INPP5K: variants seen among roughly 807,000 people sequenced by gnomAD.
The protein encoded by INPP5K is inositol polyphosphate 5-phosphatase K.
INPP5K carries 35 observed loss-of-function variants against 53.5 expected under a neutral mutation model. The ratio of observed to expected loss-of-function variants is 0.65; its 90% confidence interval spans 0.50 to 0.87. The LOEUF (loss-of-function observed/expected upper bound fraction) is 0.87, where lower values mean the gene tolerates loss of function less well. INPP5K is among the 40% of genes least tolerant of loss of function. The pLI is 0.00. For synonymous variants in INPP5K, 253 were observed against 232.8 expected (o/e 1.09, Z -0.79); for missense variants, 550 against 586.2 (o/e 0.94, Z 0.64).
At chr17:1,506,047 G>T (rs1278358989) in intron 7 of INPP5K, among the ~76,000 whole-genome samples, 1 of 152,116 alleles carries the variant, frequency 6.6e-6, no homozygotes, top group African/African-American at 2.4e-5. Context: ...TTTTTGAGAC[G>T]GAGTCTCGCT....
Position 1,498,060 on chromosome 17 carries a change from C to T in INPP5K, c.839G>A (p.Cys280Tyr), listed in dbSNP as rs1598361962. ...CGGTATGGGAGTGTCGGGGCCAGCA[C>T]AGGGCTGCCGCTTCAGCCTCCACAG... ...RILWRLKRQP[C>Y]AGPDTPIPPA... Residue 280 changes from cysteine to tyrosine, a missense_variant, in exon 8 of 12, where the codon TGT (cysteine) becomes TAT (tyrosine). Transcript: ENST00000421807. 6.2e-7 allele frequency: 1 copy of T among 1,614,036 alleles called. No individual in the cohort carries two copies. Among genetic ancestry groups the T allele is most frequent in the Non-Finnish European group, 8.5e-7 (1 of 1,179,978 alleles).
chr17:1,501,320 G>GT (rs2075007749), intron 7 of INPP5K, among the ~76,000 whole-genome samples: 2 of 152,278 alleles, frequency 1.3e-5, no homozygotes, highest in East Asian at 3.9e-4. Flanking sequence ...CAGTAAAAGA[G>GT]TAAGTATTCT....
In INPP5K at chr17:1,506,966, C is replaced by A. The variant is rs1261590292; in HGVS notation, c.776+14G>T. On this transcript the variant is annotated intron_variant, in intron 7 of 11. Coordinates refer to ENST00000421807, the MANE Select transcript of INPP5K (RefSeq NM_016532.4). ...TGACTTCCTAGACCTTCTGGCCCCC[C>A]ACTCCCTCCTCACCTGGTGTCATAG... 4.4e-6 allele frequency: 7 copies of A among 1,588,586 alleles called. No individual in the cohort carries two copies. In the South Asian group the frequency reaches 5.5e-5, roughly 13 times the overall value.
chr17:1,505,899 C>G (rs1475582403), intron 7 of INPP5K, among the ~76,000 whole-genome samples: 1 of 152,130 alleles, frequency 6.6e-6, no homozygotes, highest in Non-Finnish European at 1.5e-5. Context: ...GGTTCCTTGC[C>G]CCAAAATGAG....
At chr17:1,511,090 G>T (rs1233659131) in intron 3 of INPP5K, among the ~76,000 whole-genome samples, 1 of 152,158 alleles carries the variant, frequency 6.6e-6, no homozygotes, top group Non-Finnish European at 1.5e-5. Flanking sequence ...GCGTGCAGCT[G>T]GGTGTCCATG....
At position 1,498,110 on chromosome 17, in the gene INPP5K, G is replaced by C. The variant is rs541121879; in HGVS notation, c.789C>G (p.Arg263=). The change falls in exon 8 of 12, where the codon CGC becomes CGG. Residue 263 remains arginine (R), a synonymous_variant. Coordinates refer to ENST00000421807, the MANE Select transcript of INPP5K (RefSeq NM_016532.4). The part of the protein sequence containing the change: ...SNDYDTSEKK[R]KPAWTDRILW... ...GGATGCGATCGGTCCATGCAGGCTT[G>C]CGTTTTTTCTCACTGCAGGGGCAGG... The C allele has an allele frequency of 6.2e-7, 1 of 1,602,006 alleles. No individual in the cohort carries two copies. The highest frequency in any genetic ancestry group is 1.3e-5 in the African/African-American group (1 of 74,790).
At chr17:1,497,909 C>G in intron 8 of INPP5K, 27 bp downstream of exon 8, 1 of 1,593,802 alleles carries the variant, frequency 6.3e-7, no homozygotes, top group Non-Finnish European at 8.6e-7. Flanking sequence ...ATTCCTCTGG[C>G]AAGTATCAGG....
In INPP5K at chr17:1,513,523, G is replaced by C. The variant is rs768410363; in HGVS notation, c.191C>G (p.Ser64Cys). ...ELNSGIISLL[S>C]DAAFNDSWSS... ...CCACGAGTCATTAAAGGCAGCATCG[G>C]AAAGGAGGCTTATGATCCCAGAGTT... is the stretch of plus-strand genomic sequence containing the variant. The change falls in exon 3 of 12, where the codon TCC becomes TGC. Residue 64 changes from serine to cysteine, a missense_variant. By Grantham distance (112) the Ser-to-Cys change is moderately radical. Transcript: ENST00000421807. The C allele has an allele frequency of 7.4e-6, 12 of 1,614,138 alleles. No individual in the cohort carries two copies. Among genetic ancestry groups the C allele is most frequent in the Non-Finnish European group, 1.0e-5 (12 of 1,180,050 alleles).
Position 1,509,317 on chromosome 17 carries a change from A to C in INPP5K, c.415T>G (p.Tyr139Asp). 1 of 1,614,122 alleles carries C rather than the reference A, an allele frequency of 6.2e-7. No individual in the cohort carries two copies. The highest frequency in any genetic ancestry group is 8.5e-7 in the Non-Finnish European group (1 of 1,179,996). Residue 139 changes from tyrosine to aspartate, a missense_variant, in exon 5 of 12, where the codon TAT becomes GAT. Tyr to Asp is a radical substitution (Grantham distance 160). Transcript: ENST00000421807. The stretch of plus-strand genomic sequence containing the variant: ...TTGATGATGCTGACATAGTAGCCAT[A>C]AAGCTTCAGGCAGATGTTGACTCCA... ...KGGVNICLKL[Y>D]GYYVSIINCH...
chr17:1,511,826 A>T (rs2075316100), intron 3 of INPP5K, among the ~76,000 whole-genome samples: 1 of 150,114 alleles, frequency 6.7e-6, no homozygotes, highest in Middle Eastern at 3.2e-3. Context: ...GTTCCACCAC[A>T]AAGACACTGG....
At position 1,498,124 on chromosome 17, in the gene INPP5K, T is replaced by C. The variant is rs781739690; in HGVS notation, c.777-2A>G. ...CATGCAGGCTTGCGTTTTTTCTCAC[T>C]GCAGGGGCAGGGGGCATAAAGAGGA... On this transcript the variant is annotated splice_acceptor_variant, in intron 7 of 11. Transcript: ENST00000421807. LOFTEE classifies it high-confidence loss of function. 1.3e-6 allele frequency: 2 copies of C among 1,595,456 alleles called. No individual in the cohort carries two copies. Among genetic ancestry groups the C allele is most frequent in the South Asian group, 1.1e-5 (1 of 90,400 alleles).
At chr17:1,509,455 G>C in intron 4 of INPP5K, 102 bp from the exon 5 acceptor site, 1 of 1,147,102 alleles carries the variant, frequency 8.7e-7, no homozygotes, top group Non-Finnish European at 1.3e-6. Context: ...CTTCCTGCAG[G>C]GTCTCCTAGG....
chr17:1,515,893 G>C, intron 1 of INPP5K: 2 of 985,928 alleles, frequency 2.0e-6, no homozygotes, highest in Non-Finnish European at 2.4e-6. Context: ...CTCACTCTAA[G>C]AGGATGGAGA....
intron 7 of INPP5K, among the ~76,000 whole-genome samples, chr17:1,498,576 A>G (rs1403461368): frequency 6.6e-6 from 1 of 152,156 alleles, no homozygotes; most frequent in Non-Finnish European, 1.5e-5. Flanking sequence ...GCCTGTGATC[A>G]GTACTGTTAC....
chr17:1,508,369 G>T (rs571636016), intron 5 of INPP5K, 143 bp from the exon 6 acceptor site: 19 of 689,292 alleles, frequency 2.8e-5, no homozygotes, highest in East Asian at 5.1e-5. Flanking sequence ...GCACGCGTGG[G>T]TCCTCTGGAA....
Position 1,495,886 on chromosome 17 carries a change from G to C in INPP5K, c.1291-7C>G. 3.1e-6 allele frequency: 5 copies of C among 1,609,324 alleles called. No homozygotes were observed. The highest frequency in any genetic ancestry group is 4.3e-6 in the Non-Finnish European group (5 of 1,176,144). On this transcript the variant is annotated splice_polypyrimidine_tract_variant and splice_region_variant and intron_variant, in intron 11 of 11. Transcript: ENST00000421807. Reference sequence around the variant, plus strand: ...TCAAGGAGCCAGGCGGGATCTGCAGGGATAAAGCAGGTGGTGGAAATGGAG... The same window carrying C: ...TCAAGGAGCCAGGCGGGATCTGCAGCGATAAAGCAGGTGGTGGAAATGGAG...
Position 1,516,577 on chromosome 17 carries a change from G to A in INPP5K, c.-78C>T, listed in dbSNP as rs1209350470. ...CGGGTCCCGGCCAGAGCAGCCCTGCGGGCGGCCGGTCTCACGCGCCTAGCT... is the reference window on the plus strand; with the variant it reads ...CGGGTCCCGGCCAGAGCAGCCCTGCAGGCGGCCGGTCTCACGCGCCTAGCT... On this transcript the variant is annotated 5_prime_UTR_variant, in exon 1 of 12. Coordinates refer to ENST00000421807, the MANE Select transcript of INPP5K (RefSeq NM_016532.4). 3.5e-6 allele frequency: 5 copies of A among 1,444,976 alleles called. No individual in the cohort carries two copies. In the East Asian group the frequency reaches 1.4e-4, roughly 41 times the overall value. 89.5% of individuals were successfully genotyped at this position (1,444,976 alleles called of 1,614,324 possible). A position where few individuals can be genotyped will look rare whatever the true frequency, so the allele number is the denominator to read the frequency against.
intron 7 of INPP5K, among the ~76,000 whole-genome samples, chr17:1,500,865 C>T (rs1041603087): frequency 6.6e-6 from 1 of 151,922 alleles, no homozygotes; most frequent in Non-Finnish European, 1.5e-5. Context: ...AGCTGAAGCT[C>T]GTCCCTCAAA....
intron 7 of INPP5K, among the ~76,000 whole-genome samples, chr17:1,500,197 G>C (rs1346038635): frequency 6.6e-6 from 1 of 152,234 alleles, no homozygotes. Context: ...TCAGGAGTCT[G>C]ACCACCCCAT....
Sources: gnomAD v4.1 joint callset for allele counts (sites outside exome capture counted in the v4.1 genomes callset) on GRCh38, gnomAD v4.1.1 for gene constraint, MANE v1.5 for transcripts, NCBI Gene and HGNC (gene_info 2026-07-23, HGNC 2026-07-21) for gene names.